XPNPEP3: variants seen among roughly 807,000 people sequenced by gnomAD.
The protein encoded by XPNPEP3 is xaa-Pro aminopeptidase 3.
XPNPEP3 carries 41 observed loss-of-function variants against 60.0 expected under a neutral mutation model. That is an observed-to-expected ratio of 0.68 (90% CI 0.53 to 0.89). The LOEUF is 0.89. Among genes scored for constraint, XPNPEP3 ranks in the 40% least tolerant of loss-of-function variants. XPNPEP3 has a pLI of 0.00. For synonymous variants in XPNPEP3, 212 were observed against 223.2 expected (o/e 0.95, Z 0.45); for missense variants, 598 against 638.9 (o/e 0.94, Z 0.69).
At chr22:40,922,677 G>A (rs986813264) in intron 8 of XPNPEP3, among the ~76,000 whole-genome samples, 164 bp downstream of exon 8, 1 of 151,706 alleles carries the variant, frequency 6.6e-6, no homozygotes, top group Non-Finnish European at 1.5e-5. Context: ...CTTGAAGCCA[G>A]CCTGGGCAAC....
chr22:40,884,788 G>A (rs1280201801), intron 3 of XPNPEP3, among the ~76,000 whole-genome samples: 2 of 152,004 alleles, frequency 1.3e-5, no homozygotes, highest in East Asian at 2.0e-4. Flanking sequence ...CACTTCGGGA[G>A]GCCAAGGGAG....
At chr22:40,857,533 A>G (rs764633323) in intron 1 of XPNPEP3, among the ~76,000 whole-genome samples, 20 of 152,260 alleles carry the variant, frequency 1.3e-4, no homozygotes, top group East Asian at 1.2e-3. Flanking sequence ...AGTTGTGGCA[A>G]TTATCACACT....
intron 6 of XPNPEP3, among the ~76,000 whole-genome samples, chr22:40,909,536 G>A (rs965249316): frequency 1.3e-5 from 2 of 152,098 alleles, no homozygotes; most frequent in Non-Finnish European, 2.9e-5. Flanking sequence ...AGGCCAAGGC[G>A]GGTGAATCGC....
intron 7 of XPNPEP3, among the ~76,000 whole-genome samples, chr22:40,919,781 G>T (rs2058209664): frequency 6.6e-6 from 1 of 152,128 alleles, no homozygotes; most frequent in Non-Finnish European, 1.5e-5. Flanking sequence ...ATCAACAGGA[G>T]AATGAATATG....
At chr22:40,868,144 A>G (rs2057987766) in intron 1 of XPNPEP3, among the ~76,000 whole-genome samples, 1 of 152,196 alleles carries the variant, frequency 6.6e-6, no homozygotes. Flanking sequence ...ATTAATGCTA[A>G]TAACTAACAT....
intron 1 of XPNPEP3, among the ~76,000 whole-genome samples, chr22:40,863,746 C>T (rs1450829516): frequency 6.6e-6 from 1 of 152,222 alleles, no homozygotes; most frequent in African/African-American, 2.4e-5. Context: ...TTAACTGACA[C>T]AGCACTCTAG....
intron 4 of XPNPEP3, among the ~76,000 whole-genome samples, chr22:40,894,439 C>A (rs891271858): frequency 2.0e-5 from 3 of 152,100 alleles, no homozygotes; most frequent in African/African-American, 7.2e-5. Flanking sequence ...ATGCATAATA[C>A]AGTGGTTACT....
At position 40,926,360 on chromosome 22, in the gene XPNPEP3, C is replaced by T. The variant is rs778720234; in HGVS notation, c.1449C>T (p.Asp483=). Residue 483 remains aspartate, a synonymous_variant, in exon 10 of 10, where the codon GAC becomes GAT. Transcript: ENST00000357137. ...AGGATGATGTAGTGGTGACTCAGGA[C>T]TCACCTCTCATCCTTTCTGCAGACT... The part of the protein sequence containing the change: ...RIEDDVVVTQ[D]SPLILSADCP... The T allele has an allele frequency of 5.0e-6, 8 of 1,613,930 alleles. No individual in the cohort carries two copies. The highest frequency in any genetic ancestry group is 1.7e-5 in the Admixed American group (1 of 59,964).
chr22:40,867,919 CAG>C (rs1488760252), intron 1 of XPNPEP3, among the ~76,000 whole-genome samples: 2 of 142,442 alleles, frequency 1.4e-5, no homozygotes, highest in African/African-American at 5.3e-5. Context: ...GCCTGGGCGA[CAG>C]AGTGAGACCT....
rs772659329 is a variant in XPNPEP3 at position 40,886,486 on chromosome 22, A to G, written c.763A>G (p.Met255Val). 1.2e-6 allele frequency: 2 copies of G among 1,614,078 alleles called. No homozygotes were observed. Among genetic ancestry groups the G allele is most frequent in the Non-Finnish European group, 8.5e-7 (1 of 1,180,002 alleles). The change falls in exon 4 of 10, where the codon ATG becomes GTG. Residue 255 changes from methionine to valine, a missense_variant. By Grantham distance (21) the Met-to-Val change is conservative (BLOSUM62 1). Coordinates refer to ENST00000357137, the MANE Select transcript of XPNPEP3 (RefSeq NM_022098.4). ...LIKSPAEIER[M>V]QIAGKLTSQA... ...CAAGTCTCCTGCAGAAATTGAACGAATGCAGATTGCTGGGAAGCTGACATC... is the reference window on the plus strand; with the variant it reads ...CAAGTCTCCTGCAGAAATTGAACGAGTGCAGATTGCTGGGAAGCTGACATC...
In XPNPEP3 at chr22:40,881,844, G is replaced by A. The variant is rs1301893314; in HGVS notation, c.256G>A (p.Glu86Lys). ...CAAACTAATGTCTCTGATCCAGAAGGAAGCTCAAGGGCAGAGTGGGACAGA... is the reference window on the plus strand; with the variant it reads ...CAAACTAATGTCTCTGATCCAGAAGAAAGCTCAAGGGCAGAGTGGGACAGA... Reference protein sequence around the residue: ...RHKLMSLIQKEAQGQSGTDQT... With the variant: ...RHKLMSLIQKKAQGQSGTDQT... Residue 86 changes from glutamate to lysine, a missense_variant, in exon 3 of 10, where the codon GAA becomes AAA. Glu to Lys is a moderately conservative substitution (Grantham distance 56, BLOSUM62 1). Transcript: ENST00000357137. The A allele has an allele frequency of 6.2e-7, 1 of 1,614,028 alleles. No individual in the cohort carries two copies. The highest frequency in any genetic ancestry group is 8.5e-7 in the Non-Finnish European group (1 of 1,180,030).
chr22:40,867,027 A>C (rs1479092591), intron 1 of XPNPEP3, among the ~76,000 whole-genome samples: 2 of 152,158 alleles, frequency 1.3e-5, no homozygotes, highest in African/African-American at 4.8e-5. Context: ...AGGAGGAGAG[A>C]AAGAGAAATC....
Position 40,882,503 on chromosome 22 carries a change from C to A in XPNPEP3, c.589+326C>A, listed in dbSNP as rs149528209. On this transcript the variant is annotated intron_variant, in intron 3 of 9. Coordinates refer to ENST00000357137, the MANE Select transcript of XPNPEP3 (RefSeq NM_022098.4). ...AATAGAAAAATTAGCCAGGCATGGT[C>A]GCAGGCGCCTGTAATCCCAGCTACT... Among the ~76,000 whole-genome samples, 163 of 152,082 alleles carry A rather than the reference C, an allele frequency of 1.1e-3. 5 individuals carry two copies. In the East Asian group the frequency reaches 0.012, roughly 11 times the overall value.
At chr22:40,903,397 C>T (rs1156852036) in intron 4 of XPNPEP3, among the ~76,000 whole-genome samples, 3 of 152,012 alleles carry the variant, frequency 2.0e-5, no homozygotes, top group Non-Finnish European at 4.4e-5. Context: ...CCTTCAAGTA[C>T]AGTGTTCACT....
At chr22:40,913,437 C>CAAAA (rs900190983) in intron 6 of XPNPEP3, among the ~76,000 whole-genome samples, 1 of 79,698 alleles carries the variant, frequency 1.3e-5, no homozygotes, top group Non-Finnish European at 2.6e-5. Context: ...GACTCTGTCT[C>CAAAA]AAAAAAAAAA....
intron 7 of XPNPEP3, among the ~76,000 whole-genome samples, chr22:40,918,701 C>T (rs772371193): frequency 7.3e-5 from 11 of 151,122 alleles, no homozygotes; most frequent in African/African-American, 9.7e-5. Context: ...AAAGTTAGGA[C>T]GAGGGATATT....
intron 2 of XPNPEP3, among the ~76,000 whole-genome samples, chr22:40,877,866 C>T (rs1041946106): frequency 1.3e-5 from 2 of 152,162 alleles, no homozygotes; most frequent in African/African-American, 4.8e-5. Flanking sequence ...ATTGCTTTAA[C>T]ACATTTTTTT....
intron 4 of XPNPEP3, among the ~76,000 whole-genome samples, chr22:40,902,397 C>A (rs899513879): frequency 6.6e-6 from 1 of 152,044 alleles, no homozygotes; most frequent in Admixed American, 6.6e-5. Context: ...ACTACAGGCG[C>A]CTGCCACACG....
rs151167805 is a variant in XPNPEP3, at chr22:40,886,320, G to T, written c.597G>T (p.Thr199=). ...QHLLPKMKAE[T]NMVWYDWMRP... ...TCGGCTTCTCATTCTAAGCTGAGACGAACATGGTTTGGTATGACTGGATGA... is the reference window on the plus strand; with the variant it reads ...TCGGCTTCTCATTCTAAGCTGAGACTAACATGGTTTGGTATGACTGGATGA... Residue 199 remains threonine, a synonymous_variant, in exon 4 of 10, where the codon ACG becomes ACT. Coordinates refer to ENST00000357137, the MANE Select transcript of XPNPEP3 (RefSeq NM_022098.4). 1.2e-6 allele frequency: 2 copies of T among 1,613,928 alleles called. No homozygotes were observed. The highest frequency in any genetic ancestry group is 1.7e-6 in the Non-Finnish European group (2 of 1,179,998).
Sources: allele counts gnomAD v4.1 joint callset (sites outside exome capture counted in the v4.1 genomes callset), GRCh38; gene constraint gnomAD v4.1.1; transcripts MANE v1.5; gene names NCBI Gene and HGNC (gene_info 2026-07-23, HGNC 2026-07-21).